The following CPNE4 variants were observed in gnomAD, a reference collection of about 807,000 sequenced individuals.
CPNE4 encodes the protein copine 4, also known as copine-4.
In CPNE4, 25 loss-of-function variants were observed where a neutral mutation model predicts 67.9. The ratio of observed to expected loss-of-function variants is 0.37; its 90% CI spans 0.27 to 0.51. CPNE4 has a LOEUF of 0.51. Ranked by LOEUF, CPNE4 falls within the 20% of genes least tolerant of loss-of-function variation. The pLI is 0.93. For missense variants in CPNE4, 464 were observed against 690.8 expected, an observed-to-expected ratio of 0.67 and a Z score of 3.68; for synonymous variants, 242 against 244.9, an observed-to-expected ratio of 0.99 and a Z score of 0.11.
At position 131,908,579 on chromosome 3, in the gene CPNE4, A is replaced by G. The variant is rs560578379; in HGVS notation, c.-1-3135T>C. 2.6e-5 allele frequency among the ~76,000 whole-genome samples: 4 copies of G among 152,202 alleles called. 1 individual carries two copies. In the Middle Eastern group the frequency reaches 0.014, roughly 518 times the overall value. ...CTCCAAGAGCCATCACTGTCCTTCT[A>G]ACTTTCCCTATCCTTATAGGCTCAT... On this transcript the variant is annotated intron_variant, in intron 1 of 15. Transcript: ENST00000429747.
intron 2 of CPNE4, among the ~76,000 whole-genome samples, chr3:131,848,579 A>T (rs1311978745): frequency 6.6e-6 from 1 of 151,452 alleles, no homozygotes; most frequent in African/African-American, 2.4e-5. Context: ...AGGCTTCTAA[A>T]TTTATTCTGC....
At chr3:131,577,182 T>G (rs904260291) in intron 9 of CPNE4, among the ~76,000 whole-genome samples, 1 of 152,168 alleles carries the variant, frequency 6.6e-6, no homozygotes, top group African/African-American at 2.4e-5. Context: ...AATTACTCTT[T>G]TCCTTCACTA....
intron 8 of CPNE4, among the ~76,000 whole-genome samples, chr3:131,583,170 C>T (rs1484354020): frequency 6.6e-6 from 1 of 152,102 alleles, no homozygotes; most frequent in Non-Finnish European, 1.5e-5. Context: ...AAATCAGACC[C>T]CTAGCCTTGT....
intron 7 of CPNE4, among the ~76,000 whole-genome samples, chr3:131,602,991 G>A (rs1939290469): frequency 6.6e-6 from 1 of 152,124 alleles, no homozygotes; most frequent in Admixed American, 6.6e-5. Flanking sequence ...ATCTGATGAA[G>A]CACTGCTATA....
intron 7 of CPNE4, among the ~76,000 whole-genome samples, chr3:131,621,385 C>T (rs990702541): frequency 1.3e-5 from 2 of 152,112 alleles, no homozygotes; most frequent in Non-Finnish European, 1.5e-5. Flanking sequence ...GCTAGGACCA[C>T]AGATGTGCAC....
At chr3:131,760,352 A>C (rs1315989355) in intron 2 of CPNE4, among the ~76,000 whole-genome samples, 1 of 152,196 alleles carries the variant, frequency 6.6e-6, no homozygotes, top group Non-Finnish European at 1.5e-5. Flanking sequence ...ATGAAGAAAA[A>C]GAGGCTCAGG....
intron 2 of CPNE4, among the ~76,000 whole-genome samples, chr3:131,872,182 G>A (rs182944080): frequency 1.9e-4 from 24 of 129,118 alleles, no homozygotes; most frequent in African/African-American, 5.8e-4. Context: ...ATGTGTGTGC[G>A]TGTGTGTGTG....
chr3:132,001,958 T>C (rs1374193502), intron 1 of CPNE4, among the ~76,000 whole-genome samples: 2 of 152,124 alleles, frequency 1.3e-5, no homozygotes, highest in Non-Finnish European at 2.9e-5. Flanking sequence ...GTTTTGTGTT[T>C]TTTTCCTATT....
Position 131,603,252 on chromosome 3 carries a change from A to G in CPNE4, c.682-15670T>C, listed in dbSNP as rs904328949. Among the ~76,000 whole-genome samples the G allele has an allele frequency of 2.6e-5, 4 of 152,210 alleles. No homozygotes were observed. The South Asian group carries it at 6.2e-4, about 24-fold the overall frequency. On this transcript the variant is annotated intron_variant, in intron 7 of 15. Coordinates refer to ENST00000429747, the MANE Select transcript of CPNE4 (RefSeq NM_130808.3). ...TATAGAAGAACAGCAAAAAAGATAC[A>G]TAAGTGCAATTTAAACAGCAATAAA... is the stretch of plus-strand genomic sequence containing the variant.
At chr3:131,695,596 G>A (rs1206067423) in intron 5 of CPNE4, among the ~76,000 whole-genome samples, 1 of 152,172 alleles carries the variant, frequency 6.6e-6, no homozygotes, top group Non-Finnish European at 1.5e-5. Context: ...AGTTTTGTGA[G>A]TTTTTCTGAA....
intron 2 of CPNE4, among the ~76,000 whole-genome samples, chr3:131,811,717 T>C (rs1438759532): frequency 6.6e-6 from 1 of 152,140 alleles, no homozygotes; most frequent in African/African-American, 2.4e-5. Context: ...TAACAAATAG[T>C]ATAGTTAATC....
chr3:131,999,000 G>T (rs1273363911), intron 1 of CPNE4, among the ~76,000 whole-genome samples: 1 of 151,922 alleles, frequency 6.6e-6, no homozygotes, highest in East Asian at 1.9e-4. Context: ...GCTTAAGAGG[G>T]ACTGTGATTA....
intron 1 of CPNE4, among the ~76,000 whole-genome samples, chr3:131,962,188 A>T (rs2072202554): frequency 1.3e-5 from 2 of 152,158 alleles, no homozygotes; most frequent in Non-Finnish European, 2.9e-5. Context: ...ATCCCATAGC[A>T]AGTTGTCCAT....
chr3:131,714,240 A>C (rs958478395), intron 3 of CPNE4, among the ~76,000 whole-genome samples: 13 of 152,060 alleles, frequency 8.5e-5, no homozygotes, highest in Admixed American at 2.0e-4. Flanking sequence ...GCTCATCCCG[A>C]CACTAAACCT....
intron 1 of CPNE4, among the ~76,000 whole-genome samples, chr3:131,972,941 G>A (rs560015949): frequency 6.6e-6 from 1 of 152,298 alleles, no homozygotes; most frequent in South Asian, 2.1e-4. Context: ...TTTCTCTGAA[G>A]TCCCAGCTTT....
At chr3:132,012,208 A>G (rs1294277974) in intron 1 of CPNE4, among the ~76,000 whole-genome samples, 1 of 139,636 alleles carries the variant, frequency 7.2e-6, no homozygotes, top group Non-Finnish European at 1.5e-5. Flanking sequence ...TCGCTCTGTC[A>G]CCCAGGCCGG....
chr3:131,664,265 T>C (rs949907368), intron 7 of CPNE4, among the ~76,000 whole-genome samples: 1 of 152,200 alleles, frequency 6.6e-6, no homozygotes, highest in Non-Finnish European at 1.5e-5. Context: ...CACCATTTTC[T>C]TCTCTAAGAA....
At chr3:131,545,147 G>T (rs1182368700) in intron 14 of CPNE4, among the ~76,000 whole-genome samples, 1 of 152,188 alleles carries the variant, frequency 6.6e-6, no homozygotes, top group East Asian at 1.9e-4. Flanking sequence ...AAATGAATAT[G>T]AGAGGCTGTG....
intron 7 of CPNE4, among the ~76,000 whole-genome samples, chr3:131,632,809 G>A (rs1043905862): frequency 2.0e-5 from 3 of 151,970 alleles, no homozygotes; most frequent in African/African-American, 7.3e-5. Flanking sequence ...TAACATTTCG[G>A]TCCTATAATT....
Sources: gnomAD v4.1 joint callset for allele counts (sites outside exome capture counted in the v4.1 genomes callset) on GRCh38, gnomAD v4.1.1 for gene constraint, MANE v1.5 for transcripts, NCBI Gene and HGNC (gene_info 2026-07-23, HGNC 2026-07-21) for gene names.